The following SMAD3 variants were observed in gnomAD, a reference collection of about 807,000 sequenced individuals.
The protein encoded by SMAD3 is SMAD family member 3.
A neutral mutation model predicts 51.8 loss-of-function variants in SMAD3; 12 were observed. That is an observed-to-expected ratio of 0.23 (90% CI 0.15 to 0.38). SMAD3 has a LOEUF of 0.38. Ranked by LOEUF, SMAD3 falls within the 10% of genes least tolerant of loss-of-function variation. The pLI is 1.00. For missense variants in SMAD3, 294 were observed against 565.6 expected (o/e 0.52, Z 4.87); for synonymous variants, 238 against 227.7 (o/e 1.05, Z -0.41).
At position 67,191,461 on chromosome 15, in the gene SMAD3, G is replaced by A. The variant is rs886051389; in HGVS notation, c.*925G>A. The A allele has an allele frequency of 8.6e-6, 2 of 233,206 alleles. No individual in the cohort carries two copies. Among genetic ancestry groups the A allele is most frequent in the African/African-American group, 2.2e-5 (1 of 45,320 alleles). The allele number at this position is 233,206 out of a possible 1,614,324, so 14.4% of individuals were successfully genotyped here. ...GCTTGCTCCAGATTCTGATGCATAC[G>A]GCTATATTGGTTTATGTAGTCAGTT... On this transcript the variant is annotated 3_prime_UTR_variant, in exon 9 of 9. Coordinates refer to ENST00000327367, the MANE Select transcript of SMAD3 (RefSeq NM_005902.4).
intron 1 of SMAD3, among the ~76,000 whole-genome samples, chr15:67,107,208 G>A (rs11071932): frequency 0.93 from 142,085 of 152,160 alleles, 67,099 homozygotes; most frequent in East Asian, 1. Context: ...TTTTAGTGTA[G>A]TCAGTCATTG....
At chr15:67,182,964 C>T (rs774508815) in intron 6 of SMAD3, among the ~76,000 whole-genome samples, 7 of 119,014 alleles carry the variant, frequency 5.9e-5, no homozygotes, top group Non-Finnish European at 1.2e-4. Context: ...ACCACTGCAA[C>T]TGGCTTTTTT....
chr15:67,100,221 A>G (rs1349916175), intron 1 of SMAD3, among the ~76,000 whole-genome samples: 1 of 151,772 alleles, frequency 6.6e-6, no homozygotes, highest in Non-Finnish European at 1.5e-5. Context: ...ATGTGCCACA[A>G]CATGGGTGAA....
chr15:67,095,259 G>A (rs570218387), intron 1 of SMAD3, among the ~76,000 whole-genome samples: 30 of 152,162 alleles, frequency 2.0e-4, no homozygotes, highest in Non-Finnish European at 3.8e-4. Flanking sequence ...TGGTCCTGAG[G>A]TGGGTGAGCA....
chr15:67,140,527 C>A (rs565322902), intron 1 of SMAD3, among the ~76,000 whole-genome samples: 36 of 152,292 alleles, frequency 2.4e-4, no homozygotes, highest in Admixed American at 3.3e-4. Context: ...GAGCAAATGA[C>A]CTTCTGAGGG....
chr15:67,170,471 T>TC (rs1423867411), intron 4 of SMAD3, 83 bp from the exon 5 acceptor site: 7 of 1,143,990 alleles, frequency 6.1e-6, no homozygotes, highest in Middle Eastern at 1.9e-4. Flanking sequence ...GGGCTACCCC[T>TC]CCTTGATATG....
intron 1 of SMAD3, among the ~76,000 whole-genome samples, chr15:67,067,513 A>T (rs1184614416): frequency 6.6e-6 from 1 of 152,130 alleles, no homozygotes; most frequent in Non-Finnish European, 1.5e-5. Flanking sequence ...AGCACCAGGG[A>T]CTGTCAGCCG....
chr15:67,091,132 C>A (rs1044735740), intron 1 of SMAD3, among the ~76,000 whole-genome samples: 1 of 152,252 alleles, frequency 6.6e-6, no homozygotes, highest in Non-Finnish European at 1.5e-5. Flanking sequence ...ACCTTCCTCC[C>A]TGCCCTGCCC....
chr15:67,154,245 G>T (rs1962223573), intron 1 of SMAD3, among the ~76,000 whole-genome samples: 1 of 152,166 alleles, frequency 6.6e-6, no homozygotes, highest in Non-Finnish European at 1.5e-5. Flanking sequence ...CATTTTATTT[G>T]GTTTCCCCCT....
intron 1 of SMAD3, among the ~76,000 whole-genome samples, chr15:67,118,833 A>T (rs2140241236): frequency 6.6e-6 from 1 of 152,202 alleles, no homozygotes; most frequent in Non-Finnish European, 1.5e-5. Flanking sequence ...CTTTTCTCTG[A>T]TGTTGCCTAA....
chr15:67,112,398 T>C (rs1166537737), intron 1 of SMAD3, among the ~76,000 whole-genome samples: 1 of 111,050 alleles, frequency 9.0e-6, no homozygotes, highest in Non-Finnish European at 1.8e-5. Context: ...TGACCTCAGG[T>C]GATCCACACG....
At chr15:67,166,180 C>T (rs765199044) in intron 3 of SMAD3, 4 of 1,014,944 alleles carry the variant, frequency 3.9e-6, no homozygotes, top group Non-Finnish European at 2.4e-6. Context: ...GCGGGTAGCC[C>T]TGGCGTCCCG....
At chr15:67,162,638 A>G (rs775730261) in intron 1 of SMAD3, among the ~76,000 whole-genome samples, 11 of 152,038 alleles carry the variant, frequency 7.2e-5, no homozygotes, top group Non-Finnish European at 1.3e-4. Flanking sequence ...CCTCGTCTCA[A>G]GCCAGCTCTC....
chr15:67,090,604 G>A (rs962859961), intron 1 of SMAD3, among the ~76,000 whole-genome samples: 5 of 152,126 alleles, frequency 3.3e-5, no homozygotes, highest in Non-Finnish European at 7.4e-5. Context: ...TATGGGCTCT[G>A]ATGTGAACCA....
At chr15:67,169,432 GATAGATTTC>G (rs1962681796) in intron 4 of SMAD3, among the ~76,000 whole-genome samples, 1 of 152,126 alleles carries the variant, frequency 6.6e-6, no homozygotes. Flanking sequence ...TCTCAGGACT[GATAGATTTC>G]ATGGGGTGGA....
intron 6 of SMAD3, among the ~76,000 whole-genome samples, chr15:67,182,986 T>TTA (rs1172704526): frequency 1.7e-4 from 8 of 48,040 alleles, no homozygotes; most frequent in African/African-American, 8.1e-4. Flanking sequence ...TATATTTTAT[T>TTA]AAAAAAAAAA....
At chr15:67,086,442 C>G (rs1363176375) in intron 1 of SMAD3, among the ~76,000 whole-genome samples, 2 of 152,082 alleles carry the variant, frequency 1.3e-5, no homozygotes, top group African/African-American at 4.8e-5. Context: ...AAAGGTCAAA[C>G]TGGGAAGGGG....
intron 1 of SMAD3, among the ~76,000 whole-genome samples, chr15:67,160,770 C>CAAAAA (rs547354315): frequency 5.1e-4 from 31 of 61,042 alleles, no homozygotes; most frequent in African/African-American, 1.2e-3. Flanking sequence ...GACTCCATCT[C>CAAAAA]AAAAAAAAAA....
intron 1 of SMAD3, among the ~76,000 whole-genome samples, chr15:67,116,011 C>G (rs934055201): frequency 4.6e-5 from 7 of 151,954 alleles, no homozygotes; most frequent in Admixed American, 3.9e-4. Flanking sequence ...GAAGTGGGTA[C>G]AGAAGTCCAG....
Sources: allele counts gnomAD v4.1 joint callset (sites outside exome capture counted in the v4.1 genomes callset), GRCh38; gene constraint gnomAD v4.1.1; transcripts MANE v1.5; gene names NCBI Gene and HGNC (gene_info 2026-07-23, HGNC 2026-07-21).